The following ERC2 variants were observed in gnomAD, a reference collection of about 807,000 sequenced individuals.
ERC2 encodes the protein ERC protein 2.
In ERC2, 42 loss-of-function variants were observed where a neutral mutation model predicts 114.8. The observed-to-expected ratio is 0.37, with a 90% CI of 0.29 to 0.47. The LOEUF (loss-of-function observed/expected upper bound fraction) is 0.47. Ranked by LOEUF, ERC2 falls within the 20% of genes least tolerant of loss-of-function variation. The pLI is 0.99. For synonymous variants in ERC2, 454 were observed against 425.5 expected, an observed-to-expected ratio of 1.07 and a Z score of -0.82; for missense variants, 939 against 1,150.7, an observed-to-expected ratio of 0.82 and a Z score of 2.66.
At position 55,701,046 on chromosome 3, in the gene ERC2, T is replaced by G. The variant is rs138213077; in HGVS notation, c.2713-1534A>C. ...TCCCACTGGTGGCTCAAGATGACAA[T>G]GAACCAACAATACTTTCAGAGAGCC... On this transcript the variant is annotated intron_variant, in intron 15 of 17. Transcript: ENST00000288221. Among the ~76,000 whole-genome samples, 19 of 152,238 alleles carry G rather than the reference T, an allele frequency of 1.2e-4. No individual in the cohort carries two copies. The East Asian group carries it at 3.5e-3, about 28-fold the overall frequency.
chr3:56,391,140 C>T (rs952567287), intron 2 of ERC2, among the ~76,000 whole-genome samples: 7 of 152,176 alleles, frequency 4.6e-5, no homozygotes, highest in African/African-American at 1.7e-4. Flanking sequence ...TTCAGTCTCA[C>T]TCATGGGAGA....
chr3:56,338,159 G>A (rs756904032), intron 2 of ERC2, among the ~76,000 whole-genome samples: 2 of 152,180 alleles, frequency 1.3e-5, no homozygotes, highest in African/African-American at 2.4e-5. Context: ...AGCTTTGAGG[G>A]GAGGTAGGGG....
intron 6 of ERC2, among the ~76,000 whole-genome samples, chr3:56,092,901 A>T (rs938234972): frequency 5.3e-5 from 8 of 152,196 alleles, no homozygotes; most frequent in Admixed American, 2.6e-4. Flanking sequence ...TAAAATATTG[A>T]TCCCGCTTAG....
rs1231314696 is a variant in ERC2 at position 55,683,872 on chromosome 3, C to T, written c.2848-13G>A. The T allele has an allele frequency of 1.2e-6, 2 of 1,610,944 alleles. No individual in the cohort carries two copies. Among genetic ancestry groups the T allele is most frequent in the Non-Finnish European group, 1.7e-6 (2 of 1,178,674 alleles). ...CCTCCTCGTCATCCTGCGGCCGGCC[C>T]GAGGTGGGGAGGTGCACAGAGAGGA... is the stretch of plus-strand genomic sequence containing the variant. On this transcript the variant is annotated splice_polypyrimidine_tract_variant and intron_variant, in intron 16 of 17. Transcript: ENST00000288221.
intron 3 of ERC2, among the ~76,000 whole-genome samples, chr3:56,183,795 A>T (rs910239800): frequency 6.6e-6 from 1 of 152,144 alleles, no homozygotes; most frequent in African/African-American, 2.4e-5. Context: ...GTTGGAGTGG[A>T]AAGAATGCTG....
intron 14 of ERC2, among the ~76,000 whole-genome samples, chr3:55,759,532 A>G (rs928963902): frequency 9.2e-5 from 13 of 140,802 alleles, no homozygotes; most frequent in Admixed American, 3.8e-4. Context: ...TAAACATGGT[A>G]GTTTCCATTC....
At chr3:55,941,267 C>T (rs1383391688) in intron 13 of ERC2, among the ~76,000 whole-genome samples, 2 of 152,150 alleles carry the variant, frequency 1.3e-5, no homozygotes, top group Non-Finnish European at 2.9e-5. Context: ...GCAACAGACA[C>T]ATCAGGTGTT....
intron 5 of ERC2, among the ~76,000 whole-genome samples, chr3:56,145,168 G>C (rs2081073278): frequency 1.3e-5 from 2 of 152,156 alleles, no homozygotes; most frequent in South Asian, 4.1e-4. Context: ...CTTATGTCTA[G>C]AAAGTGATAT....
At chr3:56,274,184 T>A (rs989920267) in intron 3 of ERC2, among the ~76,000 whole-genome samples, 1 of 152,182 alleles carries the variant, frequency 6.6e-6, no homozygotes, top group Admixed American at 6.5e-5. Flanking sequence ...TAGCTTCTCT[T>A]AGGAGCCTGA....
At chr3:55,659,544 C>T (rs1029459725) in intron 17 of ERC2, among the ~76,000 whole-genome samples, 2 of 152,052 alleles carry the variant, frequency 1.3e-5, no homozygotes, top group Non-Finnish European at 2.9e-5. Flanking sequence ...GCTCCACTCA[C>T]TCCCCTCCAT....
chr3:56,223,961 G>A (rs532885849), intron 3 of ERC2, among the ~76,000 whole-genome samples: 1 of 152,240 alleles, frequency 6.6e-6, no homozygotes, highest in African/African-American at 2.4e-5. Flanking sequence ...GATATCCATA[G>A]CAACTTAGAA....
At chr3:55,513,651 T>G (rs1487756744) in intron 17 of ERC2, among the ~76,000 whole-genome samples, 3 of 152,020 alleles carry the variant, frequency 2.0e-5, no homozygotes, top group Middle Eastern at 3.2e-3. Context: ...TCTTTTATTT[T>G]AAGGCAGGGT....
intron 17 of ERC2, among the ~76,000 whole-genome samples, chr3:55,629,785 A>T (rs998945771): frequency 6.6e-6 from 1 of 152,256 alleles, no homozygotes; most frequent in Non-Finnish European, 1.5e-5. Context: ...TATCAACAGT[A>T]TAAAACAGGG....
At chr3:56,343,157 C>G (rs2058156169) in intron 2 of ERC2, among the ~76,000 whole-genome samples, 1 of 144,738 alleles carries the variant, frequency 6.9e-6, no homozygotes, top group African/African-American at 2.6e-5. Context: ...CTTTTAGGAT[C>G]TCTCTCTCTT....
At chr3:55,734,641 C>T in intron 15 of ERC2, 130 bp downstream of exon 15, 3 of 1,069,346 alleles carry the variant, frequency 2.8e-6, no homozygotes, top group Non-Finnish European at 3.9e-6. Flanking sequence ...GGGTCCATTG[C>T]ACTCCTACCT....
intron 2 of ERC2, among the ~76,000 whole-genome samples, chr3:56,361,085 G>A (rs903658902): frequency 1.3e-5 from 2 of 152,156 alleles, no homozygotes; most frequent in East Asian, 1.9e-4. Flanking sequence ...AACTAGAACC[G>A]GGCTGAAGAG....
At chr3:55,856,646 T>C (rs191700653) in intron 14 of ERC2, among the ~76,000 whole-genome samples, 65 of 152,206 alleles carry the variant, frequency 4.3e-4, no homozygotes, top group Non-Finnish European at 8.4e-4. Context: ...ACGGTGATGG[T>C]AAATGTTAAA....
At chr3:55,573,828 T>C (rs1234119436) in intron 17 of ERC2, among the ~76,000 whole-genome samples, 1 of 152,138 alleles carries the variant, frequency 6.6e-6, no homozygotes, top group South Asian at 2.1e-4. Flanking sequence ...GAGCCGTGAA[T>C]TTCCATAGTC....
chr3:56,174,621 G>A (rs1295725367), intron 3 of ERC2, among the ~76,000 whole-genome samples: 1 of 152,170 alleles, frequency 6.6e-6, no homozygotes. Flanking sequence ...CTTTCTGCAA[G>A]TAAAGGCATT....
Sources: allele counts gnomAD v4.1 joint callset (sites outside exome capture counted in the v4.1 genomes callset), GRCh38; gene constraint gnomAD v4.1.1; transcripts MANE v1.5; gene names NCBI Gene and HGNC (gene_info 2026-07-23, HGNC 2026-07-21).